CSMD3: variants seen among roughly 807,000 people sequenced by gnomAD.
The protein encoded by CSMD3 is CUB and sushi domain-containing protein 3.
In CSMD3, 177 loss-of-function variants were observed where a neutral mutation model predicts 435.2. The observed-to-expected ratio is 0.41, with a 90% CI of 0.36 to 0.46. The LOEUF (loss-of-function observed/expected upper bound fraction) is 0.46, where lower values mean the gene tolerates loss of function less well. Among genes scored for constraint, CSMD3 ranks in the 20% least tolerant of loss-of-function variants. The pLI is 0.34. For synonymous variants in CSMD3, 1,656 were observed against 1,520.5 expected, an observed-to-expected ratio of 1.09 and a Z score of -2.07; for missense variants, 4,265 against 4,504.6, an observed-to-expected ratio of 0.95 and a Z score of 1.52.
intron 7 of CSMD3, among the ~76,000 whole-genome samples, chr8:112,967,361 TA>T (rs1463161355): frequency 6.6e-6 from 1 of 151,922 alleles, no homozygotes; most frequent in Non-Finnish European, 1.5e-5. Flanking sequence ...TTTTGAGGCC[TA>T]AAAGCCAAAT....
intron 6 of CSMD3, among the ~76,000 whole-genome samples, chr8:112,982,277 C>T (rs1284395692): frequency 1.3e-5 from 2 of 151,794 alleles, no homozygotes; most frequent in African/African-American, 4.8e-5. Flanking sequence ...TTTTAAGTAA[C>T]TAAGTATAAT....
chr8:113,326,963 C>A (rs1001599562), intron 1 of CSMD3, among the ~76,000 whole-genome samples: 1 of 152,096 alleles, frequency 6.6e-6, no homozygotes, highest in Admixed American at 6.5e-5. Context: ...AAAATTATTT[C>A]TTTAGGTTGT....
At chr8:112,669,925 C>G (rs139064285) in intron 16 of CSMD3, among the ~76,000 whole-genome samples, 278 of 152,210 alleles carry the variant, frequency 1.8e-3, no homozygotes, top group African/African-American at 6.2e-3. Context: ...AGGATTTGAA[C>G]AAAGGCAGTT....
chr8:112,292,373 G>C (rs1461976675), intron 55 of CSMD3, among the ~76,000 whole-genome samples, 164 bp downstream of exon 55: 1 of 152,018 alleles, frequency 6.6e-6, no homozygotes, highest in African/African-American at 2.4e-5. Context: ...TACAAATTTA[G>C]AAAAAGGAAA....
chr8:113,264,400 TTA>T (rs140774232), intron 3 of CSMD3, among the ~76,000 whole-genome samples: 40,028 of 148,520 alleles, frequency 0.27, 6,687 homozygotes, highest in African/African-American at 0.48. Flanking sequence ...TCAACTATAT[TTA>T]TATATATATA....
At chr8:112,611,580 G>T (rs2131469946) in intron 22 of CSMD3, among the ~76,000 whole-genome samples, 1 of 152,232 alleles carries the variant, frequency 6.6e-6, no homozygotes, top group South Asian at 2.1e-4. Context: ...TTAGCTGTAT[G>T]CTTTGCTCTA....
At chr8:112,991,163 T>C (rs1315748324) in intron 6 of CSMD3, among the ~76,000 whole-genome samples, 1 of 151,708 alleles carries the variant, frequency 6.6e-6, no homozygotes, top group Non-Finnish European at 1.5e-5. Flanking sequence ...ATATGTAGAA[T>C]TGTTTGCTGA....
intron 27 of CSMD3, among the ~76,000 whole-genome samples, chr8:112,518,911 A>T (rs1226105919): frequency 6.6e-6 from 1 of 151,994 alleles, no homozygotes; most frequent in Non-Finnish European, 1.5e-5. Flanking sequence ...ATGGCAGAGA[A>T]GGAGAGAGAG....
At chr8:113,300,972 A>G (rs936567890) in intron 2 of CSMD3, among the ~76,000 whole-genome samples, 1 of 152,188 alleles carries the variant, frequency 6.6e-6, no homozygotes, top group Admixed American at 6.6e-5. Context: ...AGCCAAAAAA[A>G]GCATGTCCCA....
chr8:113,332,797 A>T (rs962546230), intron 1 of CSMD3, among the ~76,000 whole-genome samples: 1 of 151,704 alleles, frequency 6.6e-6, no homozygotes, highest in African/African-American at 2.4e-5. Context: ...TTATATTAAC[A>T]TATATGATGC....
intron 5 of CSMD3, among the ~76,000 whole-genome samples, chr8:113,059,030 C>A (rs1309351812): frequency 1.3e-5 from 2 of 151,986 alleles, no homozygotes; most frequent in African/African-American, 4.8e-5. Flanking sequence ...CAAATTTATT[C>A]AATAAATTAC....
chr8:112,986,068 T>C (rs1332672110), intron 6 of CSMD3, among the ~76,000 whole-genome samples: 1 of 152,116 alleles, frequency 6.6e-6, no homozygotes, highest in African/African-American at 2.4e-5. Context: ...AGACAAACAT[T>C]TAACTGCTTC....
chr8:112,502,053 A>C (rs1822021386), intron 30 of CSMD3, among the ~76,000 whole-genome samples: 2 of 152,224 alleles, frequency 1.3e-5, no homozygotes, highest in South Asian at 4.1e-4. Context: ...GGGGAATACT[A>C]GCATGAAAAG....
At chr8:112,634,416 T>C (rs1436050605) in intron 22 of CSMD3, among the ~76,000 whole-genome samples, 2 of 152,166 alleles carry the variant, frequency 1.3e-5, no homozygotes, top group East Asian at 3.9e-4. Context: ...CTCCCCATCC[T>C]GTAACTTAAA....
At chr8:112,426,592 T>C (rs1813092600) in intron 32 of CSMD3, among the ~76,000 whole-genome samples, 1 of 152,202 alleles carries the variant, frequency 6.6e-6, no homozygotes, top group Non-Finnish European at 1.5e-5. Flanking sequence ...TGTCTATTCA[T>C]CTTTGAAGAC....
chr8:113,267,779 G>A (rs1354544959), intron 3 of CSMD3, among the ~76,000 whole-genome samples: 1 of 151,502 alleles, frequency 6.6e-6, no homozygotes, highest in Non-Finnish European at 1.5e-5. Context: ...TATACAAGTT[G>A]CAAGATTTCA....
At chr8:112,335,287 A>C (rs534889469) in intron 45 of CSMD3, 42 bp downstream of exon 45, 6 of 1,587,020 alleles carry the variant, frequency 3.8e-6, no homozygotes, top group African/African-American at 1.3e-5. Flanking sequence ...AGGACAAATT[A>C]AACAGTAGCA....
intron 4 of CSMD3, among the ~76,000 whole-genome samples, chr8:113,114,045 A>G (rs2090748114): frequency 1.3e-5 from 2 of 152,190 alleles, no homozygotes; most frequent in Non-Finnish European, 2.9e-5. Flanking sequence ...CTGGGAAACC[A>G]TAATATTAAA....
intron 2 of CSMD3, among the ~76,000 whole-genome samples, chr8:113,294,054 A>G (rs1588457214): frequency 6.6e-6 from 1 of 152,024 alleles, no homozygotes; most frequent in Non-Finnish European, 1.5e-5. Context: ...TTTACATCAG[A>G]ACTCACTGTA....
Sources: allele counts gnomAD v4.1 joint callset (sites outside exome capture counted in the v4.1 genomes callset), GRCh38; gene constraint gnomAD v4.1.1; transcripts MANE v1.5; gene names NCBI Gene and HGNC (gene_info 2026-07-23, HGNC 2026-07-21).